Variants in NFIA observed in about 807,000 individuals in gnomAD.
The protein encoded by NFIA is nuclear factor 1 A-type.
A neutral mutation model predicts 62.8 loss-of-function variants in NFIA; 8 were observed. The ratio of observed to expected loss-of-function variants is 0.13; its 90% CI spans 0.07 to 0.23. NFIA has a LOEUF of 0.23. NFIA is among the 10% of genes least tolerant of loss of function. The pLI is 1.00. For missense variants in NFIA, 410 were observed against 642.1 expected, an observed-to-expected ratio of 0.64 and a Z score of 3.91; for synonymous variants, 235 against 238.1, an observed-to-expected ratio of 0.99 and a Z score of 0.12.
intron 2 of NFIA, among the ~76,000 whole-genome samples, chr1:61,146,119 G>A (rs982483851): frequency 2.0e-5 from 3 of 152,142 alleles, no homozygotes; most frequent in Non-Finnish European, 2.9e-5. Flanking sequence ...AGCATCTAGA[G>A]GCTGGCTCTT....
chr1:61,306,121 A>T (rs1659769600), intron 3 of NFIA, among the ~76,000 whole-genome samples: 1 of 151,806 alleles, frequency 6.6e-6, no homozygotes, highest in Non-Finnish European at 1.5e-5. Context: ...AAGTGCTGGG[A>T]TTACAGGCGT....
intron 3 of NFIA, among the ~76,000 whole-genome samples, chr1:61,325,926 C>CT (rs1194584284): frequency 1.5e-5 from 1 of 68,716 alleles, no homozygotes; most frequent in African/African-American, 6.6e-5. Flanking sequence ...GAGCTAGACT[C>CT]TGTCTCAAAA....
chr1:61,238,193 T>C (rs528028558), intron 2 of NFIA, among the ~76,000 whole-genome samples: 6 of 152,344 alleles, frequency 3.9e-5, no homozygotes, highest in African/African-American at 1.4e-4. Flanking sequence ...TTAATTTATG[T>C]GAAAGGGAAG....
chr1:61,353,037 T>C (rs1345362959), intron 5 of NFIA, among the ~76,000 whole-genome samples: 1 of 151,972 alleles, frequency 6.6e-6, no homozygotes, highest in Non-Finnish European at 1.5e-5. Flanking sequence ...GGGCATATGT[T>C]TTGGCTTGTT....
chr1:61,329,082 C>T (rs1370234338), intron 3 of NFIA, among the ~76,000 whole-genome samples: 10 of 143,322 alleles, frequency 7.0e-5, no homozygotes, highest in African/African-American at 2.6e-4. Context: ...GAGTCTCACT[C>T]GGTCGCCCAG....
chr1:61,337,184 G>T (rs1661657309), intron 4 of NFIA, among the ~76,000 whole-genome samples: 1 of 152,126 alleles, frequency 6.6e-6, no homozygotes, highest in Non-Finnish European at 1.5e-5. Flanking sequence ...GAGGGATGAG[G>T]CAACAAGGAT....
In NFIA at chr1:61,082,672, TTCTCTCTC is replaced by T. The variant is rs113913435; in HGVS notation, c.-102_-95del. On this transcript the variant is annotated 5_prime_UTR_variant, in exon 1 of 11. Transcript: ENST00000403491. ...AGGCTTGATTTTTTTTTCTCCCCCC[TTCTCTCTC>T]TCTCTCTCTCTCTCTCTTCCTCTCT... The T allele has an allele frequency of 2.6e-4, 382 of 1,446,806 alleles. 1 individual carries two copies. In the East Asian group the frequency reaches 4.1e-3, roughly 15 times the overall value. The allele number at this position is 1,446,806 out of a possible 1,614,324, so 89.6% of individuals were successfully genotyped here. A position where few individuals can be genotyped will look rare whatever the true frequency, so the allele number is the denominator to read the frequency against.
intron 4 of NFIA, 37 bp from the exon 5 acceptor site, chr1:61,352,413 G>C: frequency 6.9e-7 from 1 of 1,439,014 alleles, no homozygotes; most frequent in African/African-American, 1.4e-5. Context: ...TTTATCCACA[G>C]AATTTAACTG....
At chr1:61,327,102 T>A (rs1385118648) in intron 3 of NFIA, among the ~76,000 whole-genome samples, 1 of 148,334 alleles carries the variant, frequency 6.7e-6, no homozygotes, top group East Asian at 1.9e-4. Flanking sequence ...TATATAAATA[T>A]ATATTTATTA....
At chr1:61,323,933 A>C (rs1660801130) in intron 3 of NFIA, among the ~76,000 whole-genome samples, 2 of 152,294 alleles carry the variant, frequency 1.3e-5, no homozygotes, top group Non-Finnish European at 2.9e-5. Context: ...TGCAGAGATA[A>C]TACATATAAA....
intron 9 of NFIA, among the ~76,000 whole-genome samples, chr1:61,407,151 C>T (rs543831767): frequency 6.6e-6 from 1 of 152,296 alleles, no homozygotes; most frequent in Non-Finnish European, 1.5e-5. Flanking sequence ...ATACCTCATA[C>T]ATCAAATAGG....
chr1:61,401,825 G>T (rs932642825), intron 7 of NFIA, among the ~76,000 whole-genome samples: 1 of 152,102 alleles, frequency 6.6e-6, no homozygotes, highest in Non-Finnish European at 1.5e-5. Flanking sequence ...GCAGGGTACC[G>T]AGTACAAGTT....
At chr1:61,143,557 T>G (rs1319413606) in intron 2 of NFIA, among the ~76,000 whole-genome samples, 1 of 152,062 alleles carries the variant, frequency 6.6e-6, no homozygotes, top group Non-Finnish European at 1.5e-5. Context: ...ACCTGGTTAA[T>G]TTTTGTATTT....
intron 2 of NFIA, among the ~76,000 whole-genome samples, chr1:61,156,525 T>C (rs1051503360): frequency 3.3e-5 from 5 of 152,238 alleles, no homozygotes; most frequent in African/African-American, 1.2e-4. Flanking sequence ...TGTGCCACAG[T>C]TTTATTATAC....
chr1:61,432,877 T>C (rs1667166526), intron 10 of NFIA, among the ~76,000 whole-genome samples: 1 of 152,082 alleles, frequency 6.6e-6, no homozygotes, highest in Non-Finnish European at 1.5e-5. Flanking sequence ...CCGTGCATGC[T>C]AGGTTCTGTG....
chr1:61,439,835 C>G lies in NFIA; in HGVS notation c.1512+13279C>G, dbSNP rs568481911. Among the ~76,000 whole-genome samples, 8 of 152,236 alleles carry G rather than the reference C, an allele frequency of 5.3e-5. No homozygotes were observed. The South Asian group carries it at 1.4e-3, about 28-fold the overall frequency. ...GACTTAGTGGAGGCCAGCAATGAACCTGAGGACATAATGGCTGTTTTTAAA... is the reference window on the plus strand; with the variant it reads ...GACTTAGTGGAGGCCAGCAATGAACGTGAGGACATAATGGCTGTTTTTAAA... On this transcript the variant is annotated intron_variant, in intron 10 of 10. Coordinates refer to ENST00000403491, the MANE Select transcript of NFIA (RefSeq NM_001134673.4).
intron 2 of NFIA, among the ~76,000 whole-genome samples, chr1:61,159,057 G>GT (rs912658022): frequency 3.3e-5 from 5 of 151,600 alleles, no homozygotes; most frequent in African/African-American, 7.3e-5. Flanking sequence ...TCACTGTCTT[G>GT]TTTTTTTTCC....
intron 4 of NFIA, among the ~76,000 whole-genome samples, chr1:61,349,559 T>C (rs191924449): frequency 6.6e-6 from 1 of 152,156 alleles, no homozygotes; most frequent in East Asian, 1.9e-4. Flanking sequence ...GCATGTCTTC[T>C]TTTTATTTAT....
At chr1:61,109,294 C>A (rs150872629) in intron 2 of NFIA, among the ~76,000 whole-genome samples, 1 of 151,682 alleles carries the variant, frequency 6.6e-6, no homozygotes, top group Non-Finnish European at 1.5e-5. Context: ...GATTAATGTA[C>A]GAGAAGTCCT....
Sources: gnomAD v4.1 joint callset for allele counts (sites outside exome capture counted in the v4.1 genomes callset) on GRCh38, gnomAD v4.1.1 for gene constraint, MANE v1.5 for transcripts, NCBI Gene and HGNC (gene_info 2026-07-23, HGNC 2026-07-21) for gene names.